CNTN4: variants seen among roughly 807,000 people sequenced by gnomAD.
CNTN4 encodes contactin 4, also known as contactin-4.
A neutral mutation model predicts 122.5 loss-of-function variants in CNTN4; 77 were observed. The observed-to-expected ratio is 0.63, with a 90% CI of 0.52 to 0.76. CNTN4 has a LOEUF of 0.76. Ranked by LOEUF, CNTN4 falls within the 30% of genes least tolerant of loss-of-function variation. The pLI, the probability that CNTN4 is intolerant of heterozygous loss-of-function variation, is 0.00. For synonymous variants in CNTN4, 512 were observed against 447.0 expected, an observed-to-expected ratio of 1.15 and a Z score of -1.83; for missense variants, 1,256 against 1,259.1, an observed-to-expected ratio of 1.00 and a Z score of 0.04.
At chr3:2,440,335 C>G (rs993232217) in intron 3 of CNTN4, among the ~76,000 whole-genome samples, 12 of 152,168 alleles carry the variant, frequency 7.9e-5, no homozygotes, top group Admixed American at 3.9e-4. Flanking sequence ...GACCTCAGAT[C>G]CATTAACTGA....
chr3:2,243,117 C>T (rs554118296), intron 2 of CNTN4, among the ~76,000 whole-genome samples: 2 of 152,196 alleles, frequency 1.3e-5, no homozygotes, highest in East Asian at 3.9e-4. Context: ...TAACTGTTCT[C>T]CCTCCATGGA....
intron 3 of CNTN4, among the ~76,000 whole-genome samples, chr3:2,521,922 A>G (rs1362389343): frequency 6.6e-6 from 1 of 152,098 alleles, no homozygotes; most frequent in Admixed American, 6.6e-5. Flanking sequence ...GCTTATCACT[A>G]AAGAGAGTTG....
chr3:2,215,284 G>A (rs1353347206), intron 2 of CNTN4, among the ~76,000 whole-genome samples: 1 of 152,124 alleles, frequency 6.6e-6, no homozygotes, highest in East Asian at 1.9e-4. Context: ...GCTTCCCCCT[G>A]TATTTGATAT....
intron 10 of CNTN4, among the ~76,000 whole-genome samples, chr3:2,897,924 T>C (rs1277969859): frequency 6.6e-6 from 1 of 152,166 alleles, no homozygotes; most frequent in African/African-American, 2.4e-5. Context: ...CTGTACCCAA[T>C]GCATTATCAC....
chr3:2,507,153 A>C (rs6809399), intron 3 of CNTN4, among the ~76,000 whole-genome samples: 51,006 of 151,910 alleles, frequency 0.34, 9,384 homozygotes, highest in Admixed American at 0.45. Flanking sequence ...CTCAGCACTC[A>C]GTTCTTCGGT....
intron 4 of CNTN4, among the ~76,000 whole-genome samples, chr3:2,670,732 C>T (rs1343557525): frequency 1.2e-4 from 19 of 152,074 alleles, no homozygotes; most frequent in South Asian, 2.1e-4. Context: ...TGGCTGGTAC[C>T]GGTTGTTCCT....
chr3:2,182,829 G>C (rs1467856215), intron 2 of CNTN4, among the ~76,000 whole-genome samples: 1 of 151,388 alleles, frequency 6.6e-6, no homozygotes, highest in Non-Finnish European at 1.5e-5. Context: ...ACTCAGCACA[G>C]GTTTTTTTTT....
chr3:2,568,041 C>A (rs1181609014), intron 3 of CNTN4, among the ~76,000 whole-genome samples: 1 of 152,106 alleles, frequency 6.6e-6, no homozygotes, highest in Non-Finnish European at 1.5e-5. Flanking sequence ...CACCCAGCAC[C>A]TAGCACCGTG....
chr3:2,757,972 TA>T (rs1200758965), intron 6 of CNTN4, among the ~76,000 whole-genome samples: 1 of 152,236 alleles, frequency 6.6e-6, no homozygotes, highest in Non-Finnish European at 1.5e-5. Flanking sequence ...CTTGCATTGT[TA>T]TCTGTCATTA....
rs9834530 is a variant in CNTN4 at position 2,709,070 on chromosome 3, G to A, written c.56-27145G>A. ...ATATCTCATAGACCATCCCCCCTCT[G>A]CTGCCACTGAATTTCATTTAGACCT... On this transcript the variant is annotated intron_variant, in intron 4 of 24. Coordinates refer to ENST00000418658, the MANE Select transcript of CNTN4 (RefSeq NM_175607.3). This position sits in a 1 kb window ranked among gnomAD's most constrained non-coding sequence, Gnocchi z 5.0. 0.037 allele frequency among the ~76,000 whole-genome samples: 5,680 copies of A among 151,988 alleles called. 202 individuals carry two copies. The highest frequency in any genetic ancestry group is 0.088 in the African/African-American group (3,647 of 41,388).
At chr3:2,211,235 C>T (rs1473780740) in intron 2 of CNTN4, among the ~76,000 whole-genome samples, 1 of 151,986 alleles carries the variant, frequency 6.6e-6, no homozygotes, top group Non-Finnish European at 1.5e-5. Context: ...ATGACCAGAT[C>T]TCGTGAAAAC....
intron 3 of CNTN4, among the ~76,000 whole-genome samples, chr3:2,377,077 A>G (rs1314784031): frequency 6.6e-6 from 1 of 151,584 alleles, no homozygotes; most frequent in African/African-American, 2.4e-5. Flanking sequence ...AATCACTTGA[A>G]CCCGGGAGGC....
chr3:3,021,992 A>C (rs1460729300), intron 14 of CNTN4, among the ~76,000 whole-genome samples: 2 of 150,858 alleles, frequency 1.3e-5, no homozygotes, highest in African/African-American at 4.9e-5. Context: ...TGGGAGGCTG[A>C]GGCAGGCAGA....
intron 4 of CNTN4, among the ~76,000 whole-genome samples, chr3:2,688,820 G>C (rs2085572830): frequency 6.6e-6 from 1 of 152,176 alleles, no homozygotes; most frequent in African/African-American, 2.4e-5. Flanking sequence ...CCTGAACCCA[G>C]GCCAGTGAGC....
chr3:2,244,119 A>T (rs993230509), intron 2 of CNTN4, among the ~76,000 whole-genome samples: 1 of 152,084 alleles, frequency 6.6e-6, no homozygotes, highest in African/African-American at 2.4e-5. Context: ...TCCTGTGCAT[A>T]CATACCTATG....
intron 2 of CNTN4, among the ~76,000 whole-genome samples, chr3:2,163,145 A>G (rs1022134777): frequency 6.6e-6 from 1 of 152,210 alleles, no homozygotes. Context: ...GTACTGGTAT[A>G]AAAATAGCCA....
chr3:2,224,002 G>C (rs1179602055), intron 2 of CNTN4, among the ~76,000 whole-genome samples: 1 of 152,078 alleles, frequency 6.6e-6, no homozygotes, highest in African/African-American at 2.4e-5. Context: ...AGGGTGAGGT[G>C]AATACAGGAT....
chr3:2,761,246 T>C (rs2063898), intron 6 of CNTN4, among the ~76,000 whole-genome samples: 67,938 of 151,922 alleles, frequency 0.45, 16,621 homozygotes, highest in Non-Finnish European at 0.57. Flanking sequence ...TCAGTCTTCC[T>C]GTTGGCCTTG....
At chr3:2,214,872 C>G (rs1199979598) in intron 2 of CNTN4, among the ~76,000 whole-genome samples, 1 of 152,074 alleles carries the variant, frequency 6.6e-6, no homozygotes, top group African/African-American at 2.4e-5. Flanking sequence ...TTGGAGGTCA[C>G]TCAAAAAGAG....
Sources: gnomAD v4.1 joint callset for allele counts (sites outside exome capture counted in the v4.1 genomes callset) on GRCh38, gnomAD v4.1.1 for gene constraint, Gnocchi (gnomAD v3.1) non-coding constraint, MANE v1.5 for transcripts, NCBI Gene and HGNC (gene_info 2026-07-23, HGNC 2026-07-21) for gene names.